CDC42BPB: variants seen among roughly 807,000 people sequenced by gnomAD.
CDC42BPB encodes CDC42 binding protein kinase beta, also known as serine/threonine-protein kinase MRCK beta.
A neutral mutation model predicts 214.9 loss-of-function variants in CDC42BPB; 37 were observed. The ratio of observed to expected loss-of-function variants is 0.17; its 90% CI spans 0.13 to 0.23. CDC42BPB has a LOEUF of 0.23. Ranked by LOEUF, CDC42BPB falls within the 10% of genes least tolerant of loss-of-function variation. The pLI, the probability that CDC42BPB is intolerant of heterozygous loss-of-function variation, is 1.00. For missense variants in CDC42BPB, 1,694 were observed against 2,227.0 expected, an observed-to-expected ratio of 0.76 and a Z score of 4.82; for synonymous variants, 931 against 884.0, an observed-to-expected ratio of 1.05 and a Z score of -0.94.
At chr14:102,974,229 A>G in intron 11 of CDC42BPB, 80 bp from the exon 12 acceptor site, 1 of 1,557,370 alleles carries the variant, frequency 6.4e-7, no homozygotes, top group Non-Finnish European at 8.6e-7. Flanking sequence ...ACTTACTGAC[A>G]GGAAATTATT....
intron 30 of CDC42BPB, among the ~76,000 whole-genome samples, chr14:102,941,974 A>G (rs1364815828): frequency 1.3e-5 from 2 of 152,268 alleles, no homozygotes; most frequent in Non-Finnish European, 2.9e-5. Context: ...ACCAAGGCGG[A>G]GAACCGAGGA....
Position 103,056,982 on chromosome 14 carries a change from TG to T in CDC42BPB, c.175+16del, listed in dbSNP as rs759603380. ...GGTCGCAGAGCCGCAGGTCCGGCCC[TG>T]CCGGCGCGCACTTACCCCACTCGAG... On this transcript the variant is annotated intron_variant, in intron 1 of 36. Transcript: ENST00000361246. The T allele has an allele frequency of 1.1e-5, 15 of 1,396,914 alleles. No homozygotes were observed. The highest frequency in any genetic ancestry group is 2.0e-4 in the Middle Eastern group (1 of 4,930). The allele number at this position is 1,396,914 out of a possible 1,614,324, so 86.5% of individuals were successfully genotyped here.
At chr14:103,055,611 A>G (rs1888905228) in intron 1 of CDC42BPB, among the ~76,000 whole-genome samples, 1 of 152,264 alleles carries the variant, frequency 6.6e-6, no homozygotes, top group East Asian at 1.9e-4. Flanking sequence ...TTCCCACGGA[A>G]ATAAAGCATC....
At chr14:103,024,310 G>T (rs1438697130) in intron 1 of CDC42BPB, among the ~76,000 whole-genome samples, 1 of 152,144 alleles carries the variant, frequency 6.6e-6, no homozygotes, top group African/African-American at 2.4e-5. Flanking sequence ...ACTCTTCCTG[G>T]CTCTCTAACC....
At position 102,995,780 on chromosome 14, in the gene CDC42BPB, G is replaced by A. The variant is rs543791466; in HGVS notation, c.596+3785C>T. On this transcript the variant is annotated intron_variant, in intron 5 of 36. Transcript: ENST00000361246. ...ACCATGCTGTAACGTCAGCCACGCC[G>A]TAAAGTTGGCCACACCGTAACATCG... 3.5e-4 allele frequency among the ~76,000 whole-genome samples: 54 copies of A among 152,318 alleles called. 1 individual carries two copies. The South Asian group carries it at 0.011, about 30-fold the overall frequency.
intron 3 of CDC42BPB, among the ~76,000 whole-genome samples, chr14:103,006,526 A>G (rs1001681602): frequency 6.6e-6 from 1 of 152,232 alleles, no homozygotes; most frequent in Non-Finnish European, 1.5e-5. Flanking sequence ...AGTATTTTTT[A>G]ACCAAGTAAG....
At chr14:103,042,221 T>C (rs1225839058) in intron 1 of CDC42BPB, 1 of 153,158 alleles carries the variant, frequency 6.5e-6, no homozygotes, top group Non-Finnish European at 1.5e-5. Flanking sequence ...ACCCACAAAA[T>C]GGGAGAAAAT....
intron 1 of CDC42BPB, among the ~76,000 whole-genome samples, chr14:103,016,304 T>C (rs1187964857): frequency 6.6e-6 from 1 of 152,188 alleles, no homozygotes; most frequent in East Asian, 1.9e-4. Context: ...AGGGTGTCAC[T>C]CTAGGAGGGA....
At chr14:103,023,744 T>C (rs931362283) in intron 1 of CDC42BPB, among the ~76,000 whole-genome samples, 9 of 152,206 alleles carry the variant, frequency 5.9e-5, no homozygotes, top group Non-Finnish European at 1.2e-4. Context: ...TACACTTTTA[T>C]TAAGTCAACT....
At chr14:103,024,719 A>G (rs1886953256) in intron 1 of CDC42BPB, among the ~76,000 whole-genome samples, 1 of 152,182 alleles carries the variant, frequency 6.6e-6, no homozygotes, top group African/African-American at 2.4e-5. Context: ...CCCATTGCTA[A>G]TGGCAGCTTC....
intron 36 of CDC42BPB, among the ~76,000 whole-genome samples, chr14:102,936,558 A>C (rs1891654639): frequency 6.6e-6 from 1 of 152,226 alleles, no homozygotes; most frequent in African/African-American, 2.4e-5. Context: ...CCAGACAGGG[A>C]AATCACAGGA....
chr14:102,945,252 C>T (rs1345221508), intron 29 of CDC42BPB: 3 of 458,948 alleles, frequency 6.5e-6, no homozygotes, highest in African/African-American at 4.0e-5. Flanking sequence ...AGTCTCCTGA[C>T]GTTTCTGCTC....
chr14:102,934,099 T>A (rs1891522233), intron 36 of CDC42BPB: 1 of 1,129,116 alleles, frequency 8.9e-7, no homozygotes, highest in Non-Finnish European at 1.1e-6. Context: ...AACTCTGTAG[T>A]GAAGAAATCA....
At chr14:103,023,668 CCTTT>C (rs1459023677) in intron 1 of CDC42BPB, among the ~76,000 whole-genome samples, 2 of 151,918 alleles carry the variant, frequency 1.3e-5, no homozygotes, top group Non-Finnish European at 2.9e-5. Context: ...TTAATTTTTT[CCTTT>C]TTTTAACTGA....
rs547366298 is a variant in CDC42BPB at position 103,017,522 on chromosome 14, G to A, written c.176-5334C>T. Among the ~76,000 whole-genome samples the A allele has an allele frequency of 8.4e-4, 128 of 152,226 alleles. 1 individual carries two copies. Among genetic ancestry groups the A allele is most frequent in the Non-Finnish European group, 1.3e-3 (88 of 68,020 alleles). On this transcript the variant is annotated intron_variant, in intron 1 of 36. Coordinates refer to ENST00000361246, the MANE Select transcript of CDC42BPB (RefSeq NM_006035.4). The stretch of plus-strand genomic sequence containing the variant: ...TGAAATCAAGCAATCAGAGCGGCCA[G>A]CATCAGTTACGTGATGAGACGCAAC...
intron 9 of CDC42BPB, among the ~76,000 whole-genome samples, chr14:102,977,254 G>A (rs1321599465): frequency 1.0e-4 from 15 of 148,260 alleles, no homozygotes; most frequent in East Asian, 2.0e-4. Context: ...CAGGGGAATC[G>A]CTTGAACCCG....
chr14:103,018,900 A>G (rs555024384), intron 1 of CDC42BPB, among the ~76,000 whole-genome samples: 20 of 152,314 alleles, frequency 1.3e-4, no homozygotes, highest in African/African-American at 4.3e-4. Context: ...TGAGGCAACT[A>G]GAGACAGACA....
chr14:103,053,669 G>T (rs1406721462), intron 1 of CDC42BPB, among the ~76,000 whole-genome samples: 1 of 148,806 alleles, frequency 6.7e-6, no homozygotes. Context: ...GGCTGAGGCA[G>T]GAGAACAACG....
Position 102,968,346 on chromosome 14 carries a change from C to T in CDC42BPB, c.2253G>A (p.Met751Ile), listed in dbSNP as rs1011466308. ...EKSKRERHNE[M>I]EEAVGTIKDK... ...CTTTTATTGTACCTACTGCCTCCTCCATCTCGTTATGCCTGCCAAGGTGAG... is the reference window on the plus strand; with the variant it reads ...CTTTTATTGTACCTACTGCCTCCTCTATCTCGTTATGCCTGCCAAGGTGAG... Residue 751 changes from methionine to isoleucine, a missense_variant, in exon 16 of 37, where the codon ATG becomes ATA. Met to Ile is a conservative substitution (Grantham distance 10). This residue lies in a region of CDC42BPB where 462 missense variants were observed against 513.5 expected (regional missense o/e 0.90). Coordinates refer to ENST00000361246, the MANE Select transcript of CDC42BPB (RefSeq NM_006035.4). The T allele has an allele frequency of 1.2e-6, 2 of 1,613,912 alleles. No individual in the cohort carries two copies. The highest frequency in any genetic ancestry group is 1.7e-6 in the Non-Finnish European group (2 of 1,179,970).
Sources: allele counts gnomAD v4.1 joint callset (sites outside exome capture counted in the v4.1 genomes callset), GRCh38; gene constraint gnomAD v4.1.1; regional missense constraint gnomAD v4.1.1; transcripts MANE v1.5; gene names NCBI Gene and HGNC (gene_info 2026-07-23, HGNC 2026-07-21).